The following GOLT1A variants were observed in gnomAD, a reference collection of about 807,000 sequenced individuals.
GOLT1A encodes the protein golgi transport 1A.
In GOLT1A, 10 loss-of-function variants were observed where a neutral mutation model predicts 16.1. The observed-to-expected ratio is 0.62, with a 90% CI of 0.38 to 1.05. The LOEUF is 1.05. GOLT1A is among the 50% of genes least tolerant of loss of function. The probability of loss-of-function intolerance (pLI) is 0.01; values close to 1 mark genes in which losing one functional copy is unlikely to be tolerated. For synonymous variants in GOLT1A, 60 were observed against 67.9 expected, an observed-to-expected ratio of 0.88 and a Z score of 0.57; for missense variants, 137 against 165.7, an observed-to-expected ratio of 0.83 and a Z score of 0.95.
At chr1:204,202,646 T>C (rs1658980589) in intron 2 of GOLT1A, among the ~76,000 whole-genome samples, 1 of 152,042 alleles carries the variant, frequency 6.6e-6, no homozygotes, top group South Asian at 2.1e-4. Context: ...CAGAGCTCGG[T>C]GTGAGAATCC....
At chr1:204,213,408 C>T (rs1659168479) in intron 1 of GOLT1A, among the ~76,000 whole-genome samples, 6 of 152,202 alleles carry the variant, frequency 3.9e-5, no homozygotes, top group Admixed American at 3.9e-4. Context: ...TGTTCCAAGA[C>T]CTCCTCCCTA....
chr1:204,203,483 A>G (rs186085815), intron 1 of GOLT1A, among the ~76,000 whole-genome samples: 13 of 152,254 alleles, frequency 8.5e-5, no homozygotes, highest in Non-Finnish European at 1.6e-4. Context: ...CTTACTCAAG[A>G]GGCTGGCCCG....
intron 1 of GOLT1A, among the ~76,000 whole-genome samples, chr1:204,213,178 C>T (rs1431714245): frequency 6.6e-6 from 1 of 152,132 alleles, no homozygotes; most frequent in African/African-American, 2.4e-5. Flanking sequence ...CTGTTAATTA[C>T]CTGTCTCCCC....
chr1:204,212,654 AAAAG>A (rs1659157075), intron 1 of GOLT1A, among the ~76,000 whole-genome samples: 1 of 151,386 alleles, frequency 6.6e-6, no homozygotes, highest in African/African-American at 2.4e-5. Context: ...AAAAAAAAAA[AAAAG>A]AACTGGCTTC....
rs182060202 is a variant in GOLT1A, at chr1:204,211,844, T to G, written c.25+2038A>C. On this transcript the variant is annotated intron_variant, in intron 1 of 4. Coordinates refer to ENST00000308302, the MANE Select transcript of GOLT1A (RefSeq NM_198447.2). ...ACTTGGAGTGGGGGTGCTACTGGCA[T>G]GTAGTGGATAGAGGCCAGGGATGCT... Among the ~76,000 whole-genome samples the G allele has an allele frequency of 1.9e-3, 282 of 152,218 alleles. 1 individual carries two copies. Among genetic ancestry groups the G allele is most frequent in the Non-Finnish European group, 3.2e-3 (221 of 68,016 alleles).
chr1:204,204,584 A>G (rs187258914), intron 1 of GOLT1A, among the ~76,000 whole-genome samples: 1 of 152,252 alleles, frequency 6.6e-6, no homozygotes, highest in East Asian at 1.9e-4. Flanking sequence ...TCCATCTCTT[A>G]CCTATTGTAA....
At chr1:204,203,156 G>C (rs989536882) in intron 1 of GOLT1A, among the ~76,000 whole-genome samples, 169 bp from the exon 2 acceptor site, 3 of 152,130 alleles carry the variant, frequency 2.0e-5, no homozygotes, top group African/African-American at 7.2e-5. Context: ...GAAGGGGAAG[G>C]TAGGATGGCA....
Position 204,198,208 on chromosome 1 carries a change from A to G in GOLT1A, c.*250T>C. On this transcript the variant is annotated 3_prime_UTR_variant, in exon 5 of 5. Coordinates refer to ENST00000308302, the MANE Select transcript of GOLT1A (RefSeq NM_198447.2). ...TTAATCTTCACTTTTCCTCCCATAA[A>G]TATAGAGTGAGGGTGTGATACCAGC... The G allele has an allele frequency of 2.0e-6, 1 of 500,102 alleles. No individual in the cohort carries two copies. Among genetic ancestry groups the G allele is most frequent in the Non-Finnish European group, 3.5e-6 (1 of 283,608 alleles). The allele number at this position is 500,102 out of a possible 1,614,324, so 31.0% of individuals were successfully genotyped here.
intron 1 of GOLT1A, among the ~76,000 whole-genome samples, chr1:204,208,492 A>ATAATATATATAT (rs1557987438): frequency 1.1e-5 from 1 of 88,440 alleles, no homozygotes; most frequent in African/African-American, 3.7e-5. Context: ...ATATATATAT[A>ATAATATATATAT]TATATATATA....
intron 1 of GOLT1A, among the ~76,000 whole-genome samples, chr1:204,208,476 G>GTGTGTGTATATA (rs1286299770): frequency 2.3e-4 from 9 of 39,950 alleles, no homozygotes; most frequent in African/African-American, 7.1e-4. Flanking sequence ...GTGTGTGTGT[G>GTGTGTGTATATA]TATATATATA....
chr1:204,198,288 C>A lies in GOLT1A; in HGVS notation c.*170G>T. 1.6e-6 allele frequency: 1 copy of A among 617,440 alleles called. No homozygotes were observed. The allele number at this position is 617,440 out of a possible 1,614,324, so 38.2% of individuals were successfully genotyped here. Reference sequence around the variant, plus strand: ...TCTGCTTCCTGGCAGCCTCTTGAGTCGACTTGGGGATTTGACGTCAGTTGC... The same window carrying A: ...TCTGCTTCCTGGCAGCCTCTTGAGTAGACTTGGGGATTTGACGTCAGTTGC... On this transcript the variant is annotated 3_prime_UTR_variant, in exon 5 of 5. Coordinates refer to ENST00000308302, the MANE Select transcript of GOLT1A (RefSeq NM_198447.2).
intron 1 of GOLT1A, among the ~76,000 whole-genome samples, chr1:204,204,706 A>G (rs537347896): frequency 4.6e-5 from 7 of 152,244 alleles, no homozygotes; most frequent in Non-Finnish European, 1.0e-4. Flanking sequence ...ACTGGATCAC[A>G]TGGTAATTCT....
intron 1 of GOLT1A, among the ~76,000 whole-genome samples, chr1:204,209,379 C>T (rs565011706): frequency 6.6e-6 from 1 of 152,296 alleles, no homozygotes; most frequent in East Asian, 1.9e-4. Flanking sequence ...CCAGGCCACC[C>T]CTAGTGTGAA....
chr1:204,199,879 G>A (rs1016934825), intron 3 of GOLT1A, among the ~76,000 whole-genome samples: 1 of 152,188 alleles, frequency 6.6e-6, no homozygotes, highest in Non-Finnish European at 1.5e-5. Flanking sequence ...TGCCAAGGCT[G>A]GCATGGGAAG....
chr1:204,204,243 A>T (rs569945006), intron 1 of GOLT1A, among the ~76,000 whole-genome samples: 3 of 152,304 alleles, frequency 2.0e-5, no homozygotes, highest in South Asian at 4.1e-4. Flanking sequence ...TATTAAGCGC[A>T]TCTCCTGAAT....
intron 1 of GOLT1A, among the ~76,000 whole-genome samples, chr1:204,207,678 C>T (rs921193496): frequency 6.6e-6 from 1 of 152,182 alleles, no homozygotes; most frequent in African/African-American, 2.4e-5. Context: ...AGAACATCAT[C>T]GTCTTTTTTC....
intron 1 of GOLT1A, among the ~76,000 whole-genome samples, chr1:204,203,716 G>A (rs1265931142): frequency 1.4e-5 from 2 of 146,340 alleles, no homozygotes; most frequent in African/African-American, 5.1e-5. Flanking sequence ...CACACTCTTC[G>A]GCCAACTCTC....
chr1:204,208,588 A>C (rs1659091145), intron 1 of GOLT1A, among the ~76,000 whole-genome samples: 1 of 149,760 alleles, frequency 6.7e-6, no homozygotes, highest in Non-Finnish European at 1.5e-5. Context: ...CATTATTCTA[A>C]GTGAAGTGAC....
intron 1 of GOLT1A, among the ~76,000 whole-genome samples, chr1:204,207,336 G>T (rs1250068589): frequency 6.6e-6 from 1 of 152,236 alleles, no homozygotes; most frequent in Non-Finnish European, 1.5e-5. Flanking sequence ...TAACTTCAGG[G>T]AGGCCCGGCT....
Sources: allele counts gnomAD v4.1 joint callset (sites outside exome capture counted in the v4.1 genomes callset), GRCh38; gene constraint gnomAD v4.1.1; transcripts MANE v1.5; gene names NCBI Gene and HGNC (gene_info 2026-07-23, HGNC 2026-07-21).